Variants in FAM53B observed in about 807,000 individuals in gnomAD.
The protein encoded by FAM53B is family with sequence similarity 53 member B.
FAM53B carries 12 observed loss-of-function variants against 32.7 expected under a neutral mutation model. The observed-to-expected ratio is 0.37, with a 90% confidence interval of 0.24 to 0.59. The LOEUF (loss-of-function observed/expected upper bound fraction) is 0.59, where lower values mean the gene tolerates loss of function less well. Among genes scored for constraint, FAM53B ranks in the 20% least tolerant of loss-of-function variants. The pLI, the probability that FAM53B is intolerant of heterozygous loss-of-function variation, is 0.72. For synonymous variants in FAM53B, 234 were observed against 228.7 expected (o/e 1.02, Z -0.21); for missense variants, 477 against 577.7 (o/e 0.83, Z 1.79).
chr10:124,653,589 G>A (rs921732778), intron 4 of FAM53B, among the ~76,000 whole-genome samples: 2 of 152,184 alleles, frequency 1.3e-5, no homozygotes, highest in African/African-American at 4.8e-5. Flanking sequence ...GCTGGGTCTC[G>A]CTGGCACAGT....
chr10:124,735,869 G>A (rs532630130), intron 1 of FAM53B, among the ~76,000 whole-genome samples: 62 of 152,350 alleles, frequency 4.1e-4, no homozygotes, highest in Middle Eastern at 3.4e-3. Flanking sequence ...ATGGCATGGC[G>A]GGCAAAGGGC....
At chr10:124,669,186 G>A (rs572625177) in intron 4 of FAM53B, among the ~76,000 whole-genome samples, 22 of 152,366 alleles carry the variant, frequency 1.4e-4, no homozygotes, top group Admixed American at 2.6e-4. Flanking sequence ...TGGGCAGTAA[G>A]AGGATTATTT....
At chr10:124,710,312 AC>A in intron 1 of FAM53B, among the ~76,000 whole-genome samples, 1 of 152,212 alleles carries the variant, frequency 6.6e-6, no homozygotes, top group Non-Finnish European at 1.5e-5. Context: ...TGCAACACCT[AC>A]CACGATCCCT....
intron 1 of FAM53B, chr10:124,742,322 T>C (rs750913614): frequency 6.6e-5 from 10 of 152,170 alleles, no homozygotes; most frequent in African/African-American, 1.4e-4. Context: ...GGGGACCCTG[T>C]AGACCTGCAA....
intron 4 of FAM53B, among the ~76,000 whole-genome samples, chr10:124,662,652 C>CA (rs1163785746): frequency 1.3e-5 from 2 of 152,090 alleles, no homozygotes; most frequent in African/African-American, 4.8e-5. Flanking sequence ...CCTGTCTCTA[C>CA]AAAAAATTAA....
intron 4 of FAM53B, among the ~76,000 whole-genome samples, chr10:124,655,375 C>T (rs1949582840): frequency 6.6e-6 from 1 of 152,076 alleles, no homozygotes; most frequent in Non-Finnish European, 1.5e-5. Flanking sequence ...GAAAGCCACA[C>T]CCTCCTGGGT....
At chr10:124,661,480 G>T (rs1037410872) in intron 4 of FAM53B, among the ~76,000 whole-genome samples, 1 of 152,200 alleles carries the variant, frequency 6.6e-6, no homozygotes, top group Admixed American at 6.5e-5. Context: ...GGCCCAAACA[G>T]GATCTGACAC....
At chr10:124,739,246 T>C (rs1030984313) in intron 1 of FAM53B, among the ~76,000 whole-genome samples, 2 of 152,252 alleles carry the variant, frequency 1.3e-5, no homozygotes, top group South Asian at 2.1e-4. Context: ...TCTGAAGGAA[T>C]AGAGCTCCTT....
intron 4 of FAM53B, among the ~76,000 whole-genome samples, chr10:124,666,406 G>A (rs961693138): frequency 6.6e-6 from 1 of 152,246 alleles, no homozygotes; most frequent in African/African-American, 2.4e-5. Context: ...TGGTAGATGG[G>A]GGCTCACCCC....
At chr10:124,717,735 T>C (rs1950045919) in intron 1 of FAM53B, among the ~76,000 whole-genome samples, 1 of 152,204 alleles carries the variant, frequency 6.6e-6, no homozygotes. Flanking sequence ...TACAGGGGCA[T>C]CTTGGTGTCT....
intron 1 of FAM53B, chr10:124,708,064 TCA>T (rs1949973621): frequency 6.6e-6 from 1 of 152,166 alleles, no homozygotes; most frequent in African/African-American, 2.4e-5. Context: ...TCAAAGAAAG[TCA>T]CACAGATACA....
At chr10:124,740,413 A>C (rs899456510) in intron 1 of FAM53B, among the ~76,000 whole-genome samples, 2 of 152,258 alleles carry the variant, frequency 1.3e-5, no homozygotes, top group Admixed American at 6.5e-5. Context: ...TGGACTTTTC[A>C]GTGGCGCAGT....
chr10:124,685,559 G>C (rs1051590608), intron 3 of FAM53B, among the ~76,000 whole-genome samples: 6 of 152,254 alleles, frequency 3.9e-5, no homozygotes, highest in African/African-American at 1.4e-4. Flanking sequence ...AGGGTGGCCG[G>C]TGCTCACGGA....
intron 2 of FAM53B, among the ~76,000 whole-genome samples, chr10:124,697,683 A>G (rs1225438906): frequency 6.6e-6 from 1 of 152,034 alleles, no homozygotes; most frequent in Non-Finnish European, 1.5e-5. Context: ...ATGAGGGTGG[A>G]GGTCGGGGCA....
At chr10:124,708,924 C>T (rs747627125) in intron 1 of FAM53B, among the ~76,000 whole-genome samples, 4 of 152,212 alleles carry the variant, frequency 2.6e-5, no homozygotes, top group Non-Finnish European at 5.9e-5. Flanking sequence ...GTTTGAGTGG[C>T]CTTTGCCAAG....
At position 124,667,109 on chromosome 10, in the gene FAM53B, A is replaced by C. The variant is rs901492922; in HGVS notation, c.906+14498T>G. On this transcript the variant is annotated intron_variant, in intron 4 of 4. Coordinates refer to ENST00000337318, the MANE Select transcript of FAM53B (RefSeq NM_014661.4). Reference sequence around the variant, plus strand: ...ACATGCAGTCACTGAATGATGGAGCAGTGGCCAGGCCAAACTGAGACCTGC... The same window carrying C: ...ACATGCAGTCACTGAATGATGGAGCCGTGGCCAGGCCAAACTGAGACCTGC... 111 of 433,498 alleles carry C rather than the reference A, an allele frequency of 2.6e-4. 2 individuals are homozygous for C. Among genetic ancestry groups the C allele is most frequent in the Admixed American group, 8.2e-5 (2 of 24,386 alleles). The allele number at this position is 433,498 out of a possible 1,614,324, so 26.9% of individuals were successfully genotyped here. A position where few individuals can be genotyped will look rare whatever the true frequency, so the allele number is the denominator to read the frequency against.
In FAM53B at chr10:124,702,869, G is replaced by A. The variant is rs1020260431; in HGVS notation, c.78+3767C>T. Among the ~76,000 whole-genome samples, 6 of 152,128 alleles carry A rather than the reference G, an allele frequency of 3.9e-5. No homozygotes were observed. The East Asian group carries it at 9.6e-4, about 24-fold the overall frequency. On this transcript the variant is annotated intron_variant, in intron 2 of 4. Coordinates refer to ENST00000337318, the MANE Select transcript of FAM53B (RefSeq NM_014661.4). Reference sequence around the variant, plus strand: ...TGAATGGCTTGGTGGCCTCCCCATGGTGATCAGGGAGTCCTCGCTCTTCTA... The same window carrying A: ...TGAATGGCTTGGTGGCCTCCCCATGATGATCAGGGAGTCCTCGCTCTTCTA...
At chr10:124,657,270 C>A (rs1589740488) in intron 4 of FAM53B, among the ~76,000 whole-genome samples, 1 of 150,976 alleles carries the variant, frequency 6.6e-6, no homozygotes, top group East Asian at 1.9e-4. Context: ...AGTAAGAAAC[C>A]AGTGCTAAGC....
At chr10:124,683,595 G>A (rs888481526) in intron 3 of FAM53B, among the ~76,000 whole-genome samples, 3 of 152,166 alleles carry the variant, frequency 2.0e-5, no homozygotes, top group African/African-American at 7.2e-5. Context: ...ACCAGATCAG[G>A]AGACCAAGGC....
Sources: gnomAD v4.1 joint callset for allele counts (sites outside exome capture counted in the v4.1 genomes callset) on GRCh38, gnomAD v4.1.1 for gene constraint, MANE v1.5 for transcripts, NCBI Gene and HGNC (gene_info 2026-07-23, HGNC 2026-07-21) for gene names.